IQSEC1: variants seen among roughly 807,000 people sequenced by gnomAD.
IQSEC1 encodes the protein IQ motif and SEC7 domain-containing protein 1.
In IQSEC1, 31 loss-of-function variants were observed where a neutral mutation model predicts 91.0. The observed-to-expected ratio is 0.34, with a 90% CI of 0.26 to 0.46. The LOEUF (loss-of-function observed/expected upper bound fraction) is 0.46. Among genes scored for constraint, IQSEC1 ranks in the 20% least tolerant of loss-of-function variants. The pLI is 1.00. For synonymous variants in IQSEC1, 699 were observed against 662.6 expected, an observed-to-expected ratio of 1.05 and a Z score of -0.84; for missense variants, 1,388 against 1,575.6, an observed-to-expected ratio of 0.88 and a Z score of 2.02.
intron 1 of IQSEC1, among the ~76,000 whole-genome samples, chr3:12,943,688 C>T (rs1180808830): frequency 6.6e-6 from 1 of 152,230 alleles, no homozygotes; most frequent in Non-Finnish European, 1.5e-5. Flanking sequence ...GCTTCTGTCT[C>T]TGCTGCTCCT....
rs369727390 is a variant in IQSEC1, at chr3:13,214,873, C to G, written c.273-50740G>C. The stretch of plus-strand genomic sequence containing the variant: ...GTTTGCAGCTGAGCGCCAGGACCGA[C>G]GTCGGGCTCTGCTGAGCACTAGCCG... On this transcript the variant is annotated intron_variant, in intron 1 of 15. Coordinates refer to the IQSEC1 transcript ENST00000648114. This position sits in a 1 kb window ranked among gnomAD's most constrained non-coding sequence, Gnocchi z 4.5. 6.6e-6 allele frequency among the ~76,000 whole-genome samples: 1 copy of G among 152,362 alleles called. No individual in the cohort carries two copies. Among genetic ancestry groups the G allele is most frequent in the South Asian group, 2.1e-4 (1 of 4,826 alleles).
chr3:13,025,460 C>T (rs1703576679), intron 1 of IQSEC1, among the ~76,000 whole-genome samples: 1 of 152,188 alleles, frequency 6.6e-6, no homozygotes, highest in South Asian at 2.1e-4. Context: ...GCAGCAGGCA[C>T]AGTGGAGGGA....
intron 3 of IQSEC1, among the ~76,000 whole-genome samples, chr3:12,926,652 C>T (rs1469365532): frequency 6.6e-6 from 1 of 152,216 alleles, no homozygotes; most frequent in African/African-American, 2.4e-5. Context: ...CGGGCCTGAC[C>T]CCTTGCCCCA....
At chr3:12,958,790 T>C (rs1381118599) in intron 1 of IQSEC1, among the ~76,000 whole-genome samples, 1 of 152,210 alleles carries the variant, frequency 6.6e-6, no homozygotes, top group Non-Finnish European at 1.5e-5. Context: ...TACCAAGCAC[T>C]GTGCTAGGAG....
chr3:12,908,548 C>A lies in IQSEC1; in HGVS notation c.2579-23G>T, dbSNP rs1007710249. 5.6e-6 allele frequency: 9 copies of A among 1,612,952 alleles called. No homozygotes were observed. Among genetic ancestry groups the A allele is most frequent in the African/African-American group, 5.3e-5 (4 of 74,876 alleles). Reference sequence around the variant, plus strand: ...CCGCTGGAACAGAGAGGGTGAGGGTCCTGGTGAGAGGAGCACAGCCTAGAG... The same window carrying A: ...CCGCTGGAACAGAGAGGGTGAGGGTACTGGTGAGAGGAGCACAGCCTAGAG... On this transcript the variant is annotated intron_variant, in intron 11 of 13. Transcript: ENST00000613206. The surrounding 1 kb of genome is among the most constrained non-coding windows in gnomAD (Gnocchi z 4.9).
intron 2 of IQSEC1, among the ~76,000 whole-genome samples, chr3:13,124,684 CATT>C (rs1706481113): frequency 6.6e-6 from 1 of 152,202 alleles, no homozygotes; most frequent in Non-Finnish European, 1.5e-5. Flanking sequence ...GCGGGACTGT[CATT>C]ATTCGTGGTG....
At chr3:13,156,392 G>C (rs1707085814) in intron 2 of IQSEC1, among the ~76,000 whole-genome samples, 1 of 152,130 alleles carries the variant, frequency 6.6e-6, no homozygotes, top group Non-Finnish European at 1.5e-5. Flanking sequence ...CTAAGATCAG[G>C]AACAAGACAA....
chr3:13,075,333 G>A (rs1023982048), upstream of IQSEC1, among the ~76,000 whole-genome samples: 6 of 152,134 alleles, frequency 3.9e-5, no homozygotes, highest in South Asian at 8.3e-4. Flanking sequence ...CACCACATAC[G>A]GGGGTCTCCC....
intron 1 of IQSEC1, among the ~76,000 whole-genome samples, chr3:13,188,313 C>T (rs972167958): frequency 2.6e-5 from 4 of 152,196 alleles, no homozygotes; most frequent in Non-Finnish European, 4.4e-5. Context: ...GCACCCTCCT[C>T]CACTCCAAGA....
At chr3:13,280,497 G>C (rs1030312611) in intron 1 of IQSEC1, among the ~76,000 whole-genome samples, 4 of 152,204 alleles carry the variant, frequency 2.6e-5, no homozygotes, top group African/African-American at 7.2e-5. Flanking sequence ...GTGAGGGGAG[G>C]AGACTCCAGC....
intron 9 of IQSEC1, 146 bp from the exon 10 acceptor site, chr3:12,911,874 C>G (rs1695590039): frequency 3.0e-6 from 2 of 667,358 alleles, no homozygotes. Context: ...GCTTCCACTC[C>G]AAGACTCGGA....
intron 1 of IQSEC1, among the ~76,000 whole-genome samples, chr3:13,068,012 C>T (rs1384234049): frequency 3.3e-5 from 5 of 152,296 alleles, no homozygotes; most frequent in South Asian, 2.1e-4. Flanking sequence ...CTTGCTGGCC[C>T]GCAGGCAAAC....
At chr3:12,938,703 G>A (rs574373487) in intron 2 of IQSEC1, among the ~76,000 whole-genome samples, 8 of 152,170 alleles carry the variant, frequency 5.3e-5, no homozygotes, top group South Asian at 2.1e-4. Context: ...CTTTGTGGGC[G>A]GCACAAGTAC....
chr3:13,149,495 C>T (rs960546462), intron 2 of IQSEC1, among the ~76,000 whole-genome samples: 3 of 151,970 alleles, frequency 2.0e-5, no homozygotes, highest in Admixed American at 6.6e-5. Context: ...TCTTGAAGTG[C>T]GAGGGGCACT....
At chr3:13,069,751 GGGGCCCCTT>G (rs1442730605) in intron 1 of IQSEC1, among the ~76,000 whole-genome samples, 2 of 152,182 alleles carry the variant, frequency 1.3e-5, no homozygotes, top group East Asian at 3.9e-4. Context: ...TGAGGACAGA[GGGGCCCCTT>G]GCAGAGATGA....
chr3:12,900,454 T>C lies in IQSEC1; in HGVS notation c.*529A>G, dbSNP rs1436953166. ...ACACACAAGTACTACCTATACAGTA[T>C]ATATATATATATATTTATATATTTA... On this transcript the variant is annotated 3_prime_UTR_variant, in exon 14 of 14. Coordinates refer to ENST00000613206, the MANE Select transcript of IQSEC1 (RefSeq NM_001134382.3). 3 of 707,602 alleles carry C rather than the reference T, an allele frequency of 4.2e-6. No individual in the cohort carries two copies. Among genetic ancestry groups the C allele is most frequent in the Non-Finnish European group, 3.5e-6 (2 of 579,612 alleles). 43.8% of individuals were successfully genotyped at this position (707,602 alleles called of 1,614,324 possible). A position where few individuals can be genotyped will look rare whatever the true frequency, so the allele number is the denominator to read the frequency against.
At chr3:13,100,285 CTT>C (rs1706034903) in intron 2 of IQSEC1, among the ~76,000 whole-genome samples, 1 of 148,460 alleles carries the variant, frequency 6.7e-6, no homozygotes, top group Admixed American at 6.7e-5. Context: ...TCCTTCCTCT[CTT>C]GTTACCACAC....
chr3:13,243,583 G>C (rs905818236), intron 1 of IQSEC1, among the ~76,000 whole-genome samples: 1 of 152,230 alleles, frequency 6.6e-6, no homozygotes, highest in African/African-American at 2.4e-5. Flanking sequence ...CACCCCAGTA[G>C]AAGCTGAGGT....
At chr3:13,110,193 G>GT (rs1175087650) in intron 2 of IQSEC1, among the ~76,000 whole-genome samples, 1 of 151,982 alleles carries the variant, frequency 6.6e-6, no homozygotes, top group Non-Finnish European at 1.5e-5. Context: ...GATTAAATTC[G>GT]TTTTTGTTTA....
Sources: allele counts gnomAD v4.1 joint callset (sites outside exome capture counted in the v4.1 genomes callset), GRCh38; gene constraint gnomAD v4.1.1; non-coding constraint Gnocchi (gnomAD v3.1); transcripts MANE v1.5; gene names NCBI Gene and HGNC (gene_info 2026-07-23, HGNC 2026-07-21).